Variants in PRKAR2B observed in about 807,000 individuals in gnomAD.
PRKAR2B encodes protein kinase cAMP-dependent type II regulatory subunit beta, also known as cAMP-dependent protein kinase type II-beta regulatory subunit.
PRKAR2B carries 14 observed loss-of-function variants against 49.9 expected under a neutral mutation model. The ratio of observed to expected loss-of-function variants is 0.28; its 90% CI spans 0.19 to 0.44. The LOEUF (loss-of-function observed/expected upper bound fraction) is 0.44, where lower values mean the gene tolerates loss of function less well. Among genes scored for constraint, PRKAR2B ranks in the 20% least tolerant of loss-of-function variants. The pLI is 1.00. For missense variants in PRKAR2B, 393 were observed against 537.9 expected (o/e 0.73, Z 2.67); for synonymous variants, 196 against 197.7 (o/e 0.99, Z 0.07).
At chr7:107,145,646 T>A (rs746400013) in intron 5 of PRKAR2B, among the ~76,000 whole-genome samples, 11 of 152,024 alleles carry the variant, frequency 7.2e-5, no homozygotes, top group Admixed American at 2.6e-4. Flanking sequence ...CTTGAACTCC[T>A]AGGCTCAAGT....
At chr7:107,089,457 C>G (rs1248165878) in intron 2 of PRKAR2B, among the ~76,000 whole-genome samples, 1 of 152,126 alleles carries the variant, frequency 6.6e-6, no homozygotes, top group African/African-American at 2.4e-5. Flanking sequence ...ACTTGTCTCC[C>G]TCATAAACAC....
chr7:107,050,302 T>C (rs1367685126), intron 1 of PRKAR2B, among the ~76,000 whole-genome samples: 1 of 150,528 alleles, frequency 6.6e-6, no homozygotes. Context: ...CCAAACCATT[T>C]AGCTATTATT....
intron 2 of PRKAR2B, among the ~76,000 whole-genome samples, chr7:107,104,234 T>C (rs1795030574): frequency 6.6e-6 from 1 of 152,038 alleles, no homozygotes; most frequent in African/African-American, 2.4e-5. Flanking sequence ...GGGGTTTCAC[T>C]GTGTTGTCCA....
At chr7:107,119,418 T>C (rs1795348296) in intron 2 of PRKAR2B, among the ~76,000 whole-genome samples, 1 of 152,196 alleles carries the variant, frequency 6.6e-6, no homozygotes, top group East Asian at 1.9e-4. Flanking sequence ...GGGGCCCATA[T>C]ATGGTGGTTT....
chr7:107,084,172 A>G (rs1422641527), intron 2 of PRKAR2B, among the ~76,000 whole-genome samples: 1 of 152,216 alleles, frequency 6.6e-6, no homozygotes, highest in African/African-American at 2.4e-5. Context: ...TTGTTTTTCT[A>G]TACATACTGT....
chr7:107,091,903 ATG>A (rs1794738410), intron 2 of PRKAR2B: 1 of 152,170 alleles, frequency 6.6e-6, no homozygotes, highest in East Asian at 1.9e-4. Context: ...CTGTGTTTCT[ATG>A]TAGAAGAGAG....
At chr7:107,079,156 G>A (rs997807550) in intron 2 of PRKAR2B, among the ~76,000 whole-genome samples, 5 of 152,170 alleles carry the variant, frequency 3.3e-5, no homozygotes, top group African/African-American at 1.2e-4. Context: ...TTAATTACAA[G>A]CGGAGTTTAG....
intron 2 of PRKAR2B, among the ~76,000 whole-genome samples, chr7:107,120,315 C>T (rs991172732): frequency 1.3e-5 from 2 of 152,242 alleles, no homozygotes; most frequent in East Asian, 1.9e-4. Flanking sequence ...TAAAATGTCA[C>T]AGAGGTGGAA....
rs143262051 is a variant in PRKAR2B, at chr7:107,153,537, C to T, written c.918+286C>T. On this transcript the variant is annotated intron_variant, in intron 8 of 10. Transcript: ENST00000265717. ...AAGAGGAAAAAACAGGTGAATGTTCCATGACATTAATGAGGACCCAGAAAG... is the reference window on the plus strand; with the variant it reads ...AAGAGGAAAAAACAGGTGAATGTTCTATGACATTAATGAGGACCCAGAAAG... 9.9e-4 allele frequency among the ~76,000 whole-genome samples: 151 copies of T among 152,172 alleles called. 3 individuals are homozygous for T. In the South Asian group the frequency reaches 0.021, roughly 21 times the overall value.
chr7:107,069,811 G>A (rs1794226514), intron 1 of PRKAR2B: 1 of 152,582 alleles, frequency 6.6e-6, no homozygotes, highest in Non-Finnish European at 1.5e-5. Flanking sequence ...AGCAATTTCT[G>A]TTCTGTTTTC....
At chr7:107,059,726 G>A (rs1199085122) in intron 1 of PRKAR2B, among the ~76,000 whole-genome samples, 1 of 139,484 alleles carries the variant, frequency 7.2e-6, no homozygotes, top group African/African-American at 2.6e-5. Context: ...GTGTATGTGT[G>A]TTAGGCAAAT....
intron 5 of PRKAR2B, among the ~76,000 whole-genome samples, chr7:107,145,080 A>G (rs1465007425): frequency 6.6e-6 from 1 of 152,176 alleles, no homozygotes; most frequent in East Asian, 1.9e-4. Context: ...AAAAACTATA[A>G]AAAGACCAGA....
chr7:107,118,457 A>T (rs926190108), intron 2 of PRKAR2B, among the ~76,000 whole-genome samples: 4 of 59,436 alleles, frequency 6.7e-5, no homozygotes, highest in South Asian at 8.0e-4. Context: ...CATTTATTTA[A>T]AAAAAAAAAA....
chr7:107,066,322 G>GTGTT (rs1305776599), intron 1 of PRKAR2B, among the ~76,000 whole-genome samples: 1 of 151,648 alleles, frequency 6.6e-6, no homozygotes, highest in East Asian at 1.9e-4. Context: ...GTGTGTGTGT[G>GTGTT]TGTGTGTGTG....
chr7:107,073,160 T>C (rs1329748293), intron 2 of PRKAR2B, among the ~76,000 whole-genome samples: 1 of 152,226 alleles, frequency 6.6e-6, no homozygotes, highest in African/African-American at 2.4e-5. Flanking sequence ...CAAACATAAA[T>C]ATTTCAAACC....
chr7:107,076,313 C>G (rs741008), intron 2 of PRKAR2B, among the ~76,000 whole-genome samples: 1 of 152,012 alleles, frequency 6.6e-6, no homozygotes, highest in South Asian at 2.1e-4. Context: ...ATTTCCTCCA[C>G]TGTCCTATCA....
chr7:107,094,335 T>C (rs995057003), intron 2 of PRKAR2B, among the ~76,000 whole-genome samples: 1 of 152,074 alleles, frequency 6.6e-6, no homozygotes, highest in African/African-American at 2.4e-5. Flanking sequence ...TTCATATCCT[T>C]TGCCTTTTTG....
chr7:107,109,920 C>G (rs866067036), intron 2 of PRKAR2B, among the ~76,000 whole-genome samples: 3 of 152,128 alleles, frequency 2.0e-5, no homozygotes, highest in African/African-American at 7.2e-5. Context: ...TATTGAACAA[C>G]TATCCAAAAG....
chr7:107,139,464 A>T (rs1795754838), intron 4 of PRKAR2B, among the ~76,000 whole-genome samples: 1 of 152,034 alleles, frequency 6.6e-6, no homozygotes. Flanking sequence ...GGGTAGAGGG[A>T]TTTTGAAGGA....
Sources: allele counts gnomAD v4.1 joint callset (sites outside exome capture counted in the v4.1 genomes callset), GRCh38; gene constraint gnomAD v4.1.1; transcripts MANE v1.5; gene names NCBI Gene and HGNC (gene_info 2026-07-23, HGNC 2026-07-21).